Variants in ERBIN observed in about 807,000 individuals in gnomAD.
ERBIN encodes densin-180-like protein.
A neutral mutation model predicts 158.4 loss-of-function variants in ERBIN; 60 were observed. The ratio of observed to expected loss-of-function variants is 0.38; its 90% CI spans 0.31 to 0.47. The LOEUF is 0.47. Among genes scored for constraint, ERBIN ranks in the 20% least tolerant of loss-of-function variants. The pLI is 0.99. For synonymous variants in ERBIN, 594 were observed against 557.2 expected, an observed-to-expected ratio of 1.07 and a Z score of -0.93; for missense variants, 1,610 against 1,648.0, an observed-to-expected ratio of 0.98 and a Z score of 0.40.
chr5:66,053,557 A>G lies in ERBIN; in HGVS notation c.2239A>G (p.Ser747Gly). 6.2e-7 allele frequency: 1 copy of G among 1,610,962 alleles called. No individual in the cohort carries two copies. The highest frequency in any genetic ancestry group is 1.3e-5 in the African/African-American group (1 of 74,692). Residue 747 changes from serine to glycine, a missense_variant, in exon 21 of 26, where the codon AGT becomes GGT. Physicochemically the swap from Ser to Gly is moderately conservative, Grantham distance 56 (BLOSUM62 0). Transcript: ENST00000284037. Reference protein sequence around the residue: ...VEERLVLIEKSVDSTATADDT... With the variant: ...VEERLVLIEKGVDSTATADDT... ...AGAGCGATTAGTTCTAATTGAGAAA[A>G]GTGTTGACTCAACAGCCACAGCTGA...
intron 1 of ERBIN, among the ~76,000 whole-genome samples, chr5:65,927,323 GTATATT>G (rs2150819311): frequency 6.6e-6 from 1 of 152,194 alleles, no homozygotes; most frequent in Admixed American, 6.5e-5. Flanking sequence ...ACCCTGATCA[GTATATT>G]TAGTTAGATT....
intron 1 of ERBIN, among the ~76,000 whole-genome samples, chr5:65,969,453 A>T (rs982223500): frequency 4.6e-5 from 7 of 152,214 alleles, no homozygotes; most frequent in African/African-American, 1.7e-4. Flanking sequence ...TGTAGCTTTT[A>T]TGCCCTTTGT....
chr5:65,945,734 TCTA>T (rs1745659424), intron 1 of ERBIN, among the ~76,000 whole-genome samples: 2 of 152,248 alleles, frequency 1.3e-5, no homozygotes, highest in Non-Finnish European at 2.9e-5. Context: ...TTCAGATCTC[TCTA>T]CTACCAGTTT....
At chr5:65,956,244 GGGGTGT>G (rs1747108012) in intron 1 of ERBIN, among the ~76,000 whole-genome samples, 1 of 152,046 alleles carries the variant, frequency 6.6e-6, no homozygotes. Context: ...AAGGCCCTTC[GGGGTGT>G]GGGTGTGTGG....
chr5:65,963,231 A>G (rs778637544), intron 1 of ERBIN, among the ~76,000 whole-genome samples: 20 of 152,194 alleles, frequency 1.3e-4, no homozygotes, highest in Non-Finnish European at 2.2e-4. Context: ...GTTCTTTTCT[A>G]AAGTAGTTTC....
chr5:66,042,199 T>C (rs893940633), intron 15 of ERBIN, among the ~76,000 whole-genome samples: 1 of 152,094 alleles, frequency 6.6e-6, no homozygotes, highest in Non-Finnish European at 1.5e-5. Context: ...ACTTGTAATC[T>C]CTCTGTTTTG....
chr5:66,000,054 C>T (rs1474191271), intron 4 of ERBIN, among the ~76,000 whole-genome samples: 1 of 152,114 alleles, frequency 6.6e-6, no homozygotes, highest in Non-Finnish European at 1.5e-5. Flanking sequence ...TAGAAGTCAT[C>T]ACATCTACCT....
intron 14 of ERBIN, among the ~76,000 whole-genome samples, chr5:66,033,491 T>C (rs1024044373): frequency 1.3e-5 from 2 of 152,174 alleles, no homozygotes; most frequent in African/African-American, 2.4e-5. Flanking sequence ...GAGTTAAGAC[T>C]GGCCTGAAGG....
At chr5:65,960,502 A>T (rs998497845) in intron 1 of ERBIN, among the ~76,000 whole-genome samples, 1 of 152,196 alleles carries the variant, frequency 6.6e-6, no homozygotes, top group East Asian at 1.9e-4. Context: ...GAAAATACTG[A>T]TGCCTATGTC....
rs1297802200 is a variant in ERBIN at position 65,976,770 on chromosome 5, C to T, written c.-57-11865C>T. Among the ~76,000 whole-genome samples the T allele has an allele frequency of 2.2e-4, 34 of 151,482 alleles. No individual in the cohort carries two copies. The South Asian group carries it at 3.3e-3, about 15-fold the overall frequency. Reference sequence around the variant, plus strand: ...CTGTTTAACAAAGCACATCTTGCACCGCCCTTAATCCATTCAACCCTGAGT... The same window carrying T: ...CTGTTTAACAAAGCACATCTTGCACTGCCCTTAATCCATTCAACCCTGAGT... On this transcript the variant is annotated intron_variant, in intron 1 of 25. Transcript: ENST00000284037.
At chr5:66,042,831 G>T (rs1395910729) in intron 15 of ERBIN, among the ~76,000 whole-genome samples, 1 of 151,982 alleles carries the variant, frequency 6.6e-6, no homozygotes. Flanking sequence ...AACCCTTCTG[G>T]TAAGAAAACA....
chr5:66,023,938 A>G (rs1755968494), intron 9 of ERBIN, among the ~76,000 whole-genome samples: 1 of 151,968 alleles, frequency 6.6e-6, no homozygotes, highest in African/African-American at 2.4e-5. Context: ...CGGCCTACCA[A>G]AGTGCTGGGA....
At chr5:65,978,426 C>A (rs2151008535) in intron 1 of ERBIN, among the ~76,000 whole-genome samples, 1 of 152,184 alleles carries the variant, frequency 6.6e-6, no homozygotes. Flanking sequence ...TACATCAGTC[C>A]TGCTACACTG....
chr5:65,947,406 T>A (rs1745906722), intron 1 of ERBIN, among the ~76,000 whole-genome samples: 1 of 152,158 alleles, frequency 6.6e-6, no homozygotes, highest in South Asian at 2.1e-4. Context: ...ATTTTTGTAT[T>A]TTCAGTAGAA....
chr5:66,035,150 G>A (rs531376056), intron 14 of ERBIN, among the ~76,000 whole-genome samples: 2 of 152,050 alleles, frequency 1.3e-5, no homozygotes, highest in Non-Finnish European at 2.9e-5. Flanking sequence ...GGTTACCCTA[G>A]GCTCTGCTTT....
intron 8 of ERBIN, 179 bp from the exon 9 acceptor site, chr5:66,023,111 T>A: frequency 1.9e-6 from 1 of 517,192 alleles, no homozygotes. Context: ...GTAGTAACTA[T>A]AATGCAGTAG....
intron 22 of ERBIN, among the ~76,000 whole-genome samples, chr5:66,073,940 A>G (rs1761748791): frequency 6.6e-6 from 1 of 151,910 alleles, no homozygotes; most frequent in Admixed American, 6.6e-5. Context: ...GTGCAGTGGC[A>G]TGCTCATAGC....
chr5:66,023,789 C>T (rs1367942746), intron 9 of ERBIN, among the ~76,000 whole-genome samples: 1 of 151,726 alleles, frequency 6.6e-6, no homozygotes, highest in Non-Finnish European at 1.5e-5. Context: ...CATTCTCCTG[C>T]CTCAGCCTCC....
chr5:65,935,351 T>G (rs931199176), intron 1 of ERBIN, among the ~76,000 whole-genome samples: 3 of 151,720 alleles, frequency 2.0e-5, no homozygotes, highest in Non-Finnish European at 2.9e-5. Context: ...CACTCTAAGT[T>G]GTTTTTTTTC....
Sources: gnomAD v4.1 joint callset for allele counts (sites outside exome capture counted in the v4.1 genomes callset) on GRCh38, gnomAD v4.1.1 for gene constraint, MANE v1.5 for transcripts, NCBI Gene and HGNC (gene_info 2026-07-23, HGNC 2026-07-21) for gene names.